CAMSAP2: variants seen among roughly 807,000 people sequenced by gnomAD.
CAMSAP2 encodes the protein calmodulin regulated spectrin associated protein family member 2, also known as calmodulin-regulated spectrin-associated protein 2.
CAMSAP2 carries 26 observed loss-of-function variants against 146.1 expected under a neutral mutation model. The observed-to-expected ratio is 0.18, with a 90% CI of 0.13 to 0.25. The LOEUF (loss-of-function observed/expected upper bound fraction) is 0.25. Ranked by LOEUF, CAMSAP2 falls within the 10% of genes least tolerant of loss-of-function variation. CAMSAP2 has a pLI of 1.00. For synonymous variants in CAMSAP2, 499 were observed against 596.6 expected, an observed-to-expected ratio of 0.84 and a Z score of 2.38; for missense variants, 1,381 against 1,759.3, an observed-to-expected ratio of 0.78 and a Z score of 3.85.
rs1312801137 is a variant in CAMSAP2, at chr1:200,756,552, AT to A, written c.140-4282del. On this transcript the variant is annotated intron_variant, in intron 1 of 16. Coordinates refer to ENST00000358823, the MANE Select transcript of CAMSAP2 (RefSeq NM_203459.4). Reference sequence around the variant, plus strand: ...AAGCCTATACTTTCTCAAAGCCCAAATTTTTCCAAATTTTGGAATGGATGCA... The same window carrying A: ...AAGCCTATACTTTCTCAAAGCCCAAATTTTCCAAATTTTGGAATGGATGCA... Among the ~76,000 whole-genome samples, 7 of 152,236 alleles carry A rather than the reference AT, an allele frequency of 4.6e-5. No homozygotes were observed. The East Asian group carries it at 1.2e-3, about 25-fold the overall frequency.
In CAMSAP2 at chr1:200,816,834, G is replaced by GTA. The variant is rs1354997937; in HGVS notation, c.645+1191_645+1192insAT. Among the ~76,000 whole-genome samples, 403 of 56,210 alleles carry GTA rather than the reference G, an allele frequency of 7.2e-3. 33 individuals are homozygous for GTA. Among genetic ancestry groups the GTA allele is most frequent in the South Asian group, 9.0e-3 (13 of 1,438 alleles). 36.9% of individuals were successfully genotyped at this position (56,210 alleles called of 152,430 possible). A position where few individuals can be genotyped will look rare whatever the true frequency, so the allele number is the denominator to read the frequency against. On this transcript the variant is annotated intron_variant, in intron 4 of 16. Coordinates refer to ENST00000358823, the MANE Select transcript of CAMSAP2 (RefSeq NM_203459.4). ...TATATGTGTGTACACACACACGCGTGTGTATGTGTGTACACACACACGCGT... is the reference window on the plus strand; with the variant it reads ...TATATGTGTGTACACACACACGCGTGTATGTATGTGTGTACACACACACGCGT...
intron 1 of CAMSAP2, among the ~76,000 whole-genome samples, chr1:200,747,929 G>A (rs1246909313): frequency 6.7e-6 from 1 of 149,676 alleles, no homozygotes; most frequent in Non-Finnish European, 1.5e-5. Flanking sequence ...GGAGCTTGCA[G>A]TGAGCCGAGA....
intron 3 of CAMSAP2, among the ~76,000 whole-genome samples, chr1:200,808,430 A>T (rs1666239032): frequency 6.6e-6 from 1 of 152,250 alleles, no homozygotes; most frequent in Non-Finnish European, 1.5e-5. Flanking sequence ...CGGATTTAAA[A>T]GAAGTTATAT....
Position 200,844,808 on chromosome 1 carries a change from A to G in CAMSAP2, c.1048A>G (p.Ile350Val). 7 of 1,594,464 alleles carry G rather than the reference A, an allele frequency of 4.4e-6. No homozygotes were observed. The highest frequency in any genetic ancestry group is 6.0e-6 in the Non-Finnish European group (7 of 1,173,342). The change falls in exon 8 of 17, where the codon ATT becomes GTT. Residue 350 changes from isoleucine (I) to valine (V), a missense_variant. Ile to Val is a conservative substitution (Grantham distance 29). Transcript: ENST00000358823. ...TGAACCTGTAAAAGATATGCCTTCA[A>G]TTCCTGTCTTGAATGCTGCCAAAAG... The part of the protein sequence containing the change: ...GAEPVKDMPS[I>V]PVLNAAKRNV...
rs368520163 is a variant in CAMSAP2, at chr1:200,746,649, T to C, written c.139+6683T>C. ...TTTTTTTTTTTTTGAGACGGAGTCT[T>C]GCCCTGTCGCCCAGGCTGGAGTGCA... On this transcript the variant is annotated intron_variant, in intron 1 of 16. Coordinates refer to ENST00000358823, the MANE Select transcript of CAMSAP2 (RefSeq NM_203459.4). Among the ~76,000 whole-genome samples, 68 of 151,420 alleles carry C rather than the reference T, an allele frequency of 4.5e-4. No individual in the cohort carries two copies. In the East Asian group the frequency reaches 8.4e-3, roughly 19 times the overall value.
At chr1:200,786,797 G>A (rs1665605409) in intron 2 of CAMSAP2, among the ~76,000 whole-genome samples, 1 of 152,196 alleles carries the variant, frequency 6.6e-6, no homozygotes, top group South Asian at 2.1e-4. Flanking sequence ...CAAAGGACAG[G>A]TTGACTGTTT....
At chr1:200,779,360 A>G (rs1665371230) in intron 2 of CAMSAP2, among the ~76,000 whole-genome samples, 1 of 152,212 alleles carries the variant, frequency 6.6e-6, no homozygotes, top group South Asian at 2.1e-4. Flanking sequence ...AGTGACTTTT[A>G]CTGACATAGG....
intron 4 of CAMSAP2, among the ~76,000 whole-genome samples, chr1:200,817,191 T>TATAA (rs71135399): frequency 0.21 from 27,649 of 131,260 alleles, 3,503 homozygotes; most frequent in South Asian, 0.26. Context: ...CACACACACA[T>TATAA]GTGTGTGTGT....
intron 2 of CAMSAP2, among the ~76,000 whole-genome samples, chr1:200,791,711 C>A (rs1665757816): frequency 6.6e-6 from 1 of 152,140 alleles, no homozygotes; most frequent in African/African-American, 2.4e-5. Flanking sequence ...TCCTTTAAGA[C>A]CCTCTTAGAG....
intron 1 of CAMSAP2, among the ~76,000 whole-genome samples, chr1:200,740,727 C>G (rs911601105): frequency 1.3e-5 from 2 of 152,040 alleles, no homozygotes; most frequent in Admixed American, 1.3e-4. Flanking sequence ...TTGTATAGTA[C>G]AGTAGCAGTT....
rs1220738035 is a variant in CAMSAP2, at chr1:200,746,955, G to A, written c.139+6989G>A. Among the ~76,000 whole-genome samples the A allele has an allele frequency of 1.5e-4, 23 of 152,074 alleles. 1 individual carries two copies. Among genetic ancestry groups the A allele is most frequent in the African/African-American group, 5.5e-4 (23 of 41,482 alleles). On this transcript the variant is annotated intron_variant, in intron 1 of 16. Transcript: ENST00000358823. ...TTTTTAAGGTCTCACTGTCACCCAG[G>A]CTGAGTGCAGTCATGTGATCAAAGC...
intron 4 of CAMSAP2, among the ~76,000 whole-genome samples, chr1:200,829,607 C>T (rs1458548234): frequency 6.6e-6 from 1 of 151,872 alleles, no homozygotes; most frequent in Non-Finnish European, 1.5e-5. Flanking sequence ...TATTTTACAT[C>T]CTCGATAATA....
Position 200,739,790 on chromosome 1 carries a change from G to A in CAMSAP2, c.-38G>A. 6.2e-7 allele frequency: 1 copy of A among 1,601,732 alleles called. No homozygotes were observed. The highest frequency in any genetic ancestry group is 1.7e-4 in the Middle Eastern group (1 of 5,982). ...TGGTGGCGAGGCCACGCCATGTGAA[G>A]GTTAGGGCCGGGACATCCCGAGGAG... On this transcript the variant is annotated 5_prime_UTR_variant, in exon 1 of 17. Coordinates refer to ENST00000358823, the MANE Select transcript of CAMSAP2 (RefSeq NM_203459.4). The surrounding 1 kb of genome is among the most constrained non-coding windows in gnomAD (Gnocchi z 4.8).
In CAMSAP2 at chr1:200,739,643, C is replaced by CGGCGGG; in HGVS notation, c.-185_-184insGGCGGG. The CGGCGGG allele has an allele frequency of 2.4e-6, 1 of 409,922 alleles. No homozygotes were observed. Among genetic ancestry groups the CGGCGGG allele is most frequent in the Non-Finnish European group, 3.9e-6 (1 of 253,290 alleles). 25.4% of individuals were successfully genotyped at this position (409,922 alleles called of 1,614,324 possible). On this transcript the variant is annotated 5_prime_UTR_variant, in exon 1 of 17. Transcript: ENST00000358823. The surrounding 1 kb of genome is among the most constrained non-coding windows in gnomAD (Gnocchi z 4.8). Reference sequence around the variant, plus strand: ...GGAGCGGCGGCGGCGGCGGCGGCGGCTCCCGCGGGAGGCGGCAGGCGCGCG... The same window carrying CGGCGGG: ...GGAGCGGCGGCGGCGGCGGCGGCGGCGGCGGGTCCCGCGGGAGGCGGCAGGCGCGCG...
At position 200,800,526 on chromosome 1, in the gene CAMSAP2, TCCTC is replaced by T. The variant is rs1666006901; in HGVS notation, c.400-6848_400-6845del. ...TGCTTTCCATTTGCTTGGTAAATCT[TCCTC>T]CATCCCTTTATTTTTAGCCTATGTG... is the stretch of plus-strand genomic sequence containing the variant. On this transcript the variant is annotated intron_variant, in intron 2 of 16. Transcript: ENST00000358823. Among the ~76,000 whole-genome samples, 4 of 152,322 alleles carry T rather than the reference TCCTC, an allele frequency of 2.6e-5. No individual in the cohort carries two copies. The South Asian group carries it at 6.2e-4, about 24-fold the overall frequency.
At position 200,739,613 on chromosome 1, in the gene CAMSAP2, G is replaced by A. The variant is rs1664086480; in HGVS notation, c.-215G>A. On this transcript the variant is annotated 5_prime_UTR_variant, in exon 1 of 17. It removes an upstream start codon present in the reference 5' UTR. Transcript: ENST00000358823. This position sits in a 1 kb window ranked among gnomAD's most constrained non-coding sequence, Gnocchi z 4.8. The stretch of plus-strand genomic sequence containing the variant: ...GGAGACGGCGCCGCCACATTCCTAT[G>A]CCCGGGAGCGGCGGCGGCGGCGGCG... 2 of 294,836 alleles carry A rather than the reference G, an allele frequency of 6.8e-6. No individual in the cohort carries two copies. The highest frequency in any genetic ancestry group is 1.2e-5 in the Non-Finnish European group (2 of 170,424). 18.3% of individuals were successfully genotyped at this position (294,836 alleles called of 1,614,324 possible).
chr1:200,757,061 G>T (rs994316927), intron 1 of CAMSAP2, among the ~76,000 whole-genome samples: 7 of 152,078 alleles, frequency 4.6e-5, no homozygotes, highest in Admixed American at 2.0e-4. Context: ...TTCAAGTTCA[G>T]ATTCTGTGGC....
At chr1:200,793,737 G>T (rs1333177630) in intron 2 of CAMSAP2, among the ~76,000 whole-genome samples, 2 of 150,770 alleles carry the variant, frequency 1.3e-5, no homozygotes, top group Non-Finnish European at 3.0e-5. Context: ...TTTCTTTTTG[G>T]CTTATTGATC....
chr1:200,798,893 G>C (rs1665959768), intron 2 of CAMSAP2, among the ~76,000 whole-genome samples: 1 of 150,946 alleles, frequency 6.6e-6, no homozygotes, highest in African/African-American at 2.4e-5. Flanking sequence ...GTTGAATTTT[G>C]TCAAAGGCCT....
Sources: allele counts gnomAD v4.1 joint callset (sites outside exome capture counted in the v4.1 genomes callset), GRCh38; gene constraint gnomAD v4.1.1; non-coding constraint Gnocchi (gnomAD v3.1); transcripts MANE v1.5; gene names NCBI Gene and HGNC (gene_info 2026-07-23, HGNC 2026-07-21).